The following USH2A variants were observed in gnomAD, a reference collection of about 807,000 sequenced individuals.
USH2A encodes usherin.
In USH2A, 443 loss-of-function variants were observed where a neutral mutation model predicts 538.9. The observed-to-expected ratio is 0.82, with a 90% confidence interval of 0.76 to 0.89. The LOEUF is 0.89. USH2A is among the 40% of genes least tolerant of loss of function. The pLI, the probability that USH2A is intolerant of heterozygous loss-of-function variation, is 0.00. For synonymous variants in USH2A, 2,413 were observed against 2,273.5 expected (o/e 1.06, Z -1.75); for missense variants, 6,633 against 6,324.8 (o/e 1.05, Z -1.65).
chr1:216,115,615 C>T (rs1259752966), intron 21 of USH2A, among the ~76,000 whole-genome samples: 1 of 152,068 alleles, frequency 6.6e-6, no homozygotes, highest in Non-Finnish European at 1.5e-5. Flanking sequence ...CTTCTATCAA[C>T]ATCCAATAGT....
intron 55 of USH2A, among the ~76,000 whole-genome samples, chr1:215,770,929 A>T (rs1012107820): frequency 3.5e-5 from 5 of 144,520 alleles, no homozygotes; most frequent in African/African-American, 1.3e-4. Flanking sequence ...ACATAGTGAA[A>T]CCCCGTCTCT....
chr1:216,046,210 A>G (rs2030513789), intron 32 of USH2A, among the ~76,000 whole-genome samples: 1 of 152,088 alleles, frequency 6.6e-6, no homozygotes, highest in Non-Finnish European at 1.5e-5. Context: ...ATTCCTTAGA[A>G]TACCTAATAC....
chr1:215,630,581 GGTGGC>G (rs1558029655), intron 70 of USH2A, among the ~76,000 whole-genome samples: 1 of 147,436 alleles, frequency 6.8e-6, no homozygotes, highest in Middle Eastern at 3.4e-3. Flanking sequence ...GGCCGGGTGC[GGTGGC>G]TCATGCCTGT....
intron 37 of USH2A, among the ~76,000 whole-genome samples, chr1:215,944,461 T>C (rs942979319): frequency 2.6e-5 from 4 of 152,280 alleles, no homozygotes; most frequent in Admixed American, 6.5e-5. Context: ...ACAAAGCACG[T>C]GGAAAGAATA....
intron 71 of USH2A, among the ~76,000 whole-genome samples, chr1:215,628,347 G>C (rs1656132939): frequency 6.6e-6 from 1 of 151,788 alleles, no homozygotes; most frequent in Admixed American, 6.6e-5. Context: ...CAGTGGCGCG[G>C]TCTCGGCTCA....
chr1:216,049,798 T>C (rs1047503362), intron 30 of USH2A, among the ~76,000 whole-genome samples: 1 of 152,108 alleles, frequency 6.6e-6, no homozygotes, highest in African/African-American at 2.4e-5. Context: ...CACTTGCCCT[T>C]AGTTCCTAGG....
intron 14 of USH2A, 23 bp downstream of exon 14, chr1:216,231,927 AATT>A (rs1558332424): frequency 6.2e-7 from 1 of 1,613,624 alleles, no homozygotes; most frequent in East Asian, 2.2e-5. Context: ...GAAAGAGTTA[AATT>A]ATTAAAGCTT....
intron 4 of USH2A, among the ~76,000 whole-genome samples, chr1:216,333,783 T>C (rs1010108314): frequency 2.0e-5 from 3 of 152,064 alleles, no homozygotes; most frequent in Non-Finnish European, 4.4e-5. Flanking sequence ...GAAGAAACCA[T>C]GGCGTCCAGA....
At chr1:215,785,344 G>A (rs1411914050) in intron 52 of USH2A, among the ~76,000 whole-genome samples, 1 of 152,182 alleles carries the variant, frequency 6.6e-6, no homozygotes, top group Admixed American at 6.6e-5. Flanking sequence ...TGCATTTGGA[G>A]CACTCTGAAA....
chr1:216,292,028 T>C lies in USH2A; in HGVS notation c.1840+147A>G, dbSNP rs2037010569. On this transcript the variant is annotated intron_variant, in intron 10 of 71. Transcript: ENST00000307340. The stretch of plus-strand genomic sequence containing the variant: ...ACCTAGTGATTTGGAAATAGGAAGA[T>C]TTGGTGAACTAGCTTTGATTTTCAA... The C allele has an allele frequency of 4.0e-5, 35 of 875,288 alleles. No homozygotes were observed. The South Asian group carries it at 4.4e-4, about 11-fold the overall frequency. 54.2% of individuals were successfully genotyped at this position (875,288 alleles called of 1,614,324 possible).
intron 3 of USH2A, among the ~76,000 whole-genome samples, chr1:216,417,433 T>C (rs954919468): frequency 1.3e-5 from 2 of 152,038 alleles, no homozygotes; most frequent in African/African-American, 4.8e-5. Context: ...ATGATTTGGC[T>C]CTGTGTCCCC....
At chr1:216,213,791 G>GA (rs1464636355) in intron 15 of USH2A, among the ~76,000 whole-genome samples, 1 of 151,652 alleles carries the variant, frequency 6.6e-6, no homozygotes. Context: ...TAAAAAAAAT[G>GA]AAAAACAAAT....
intron 11 of USH2A, among the ~76,000 whole-genome samples, chr1:216,268,186 A>G (rs1216523848): frequency 1.3e-5 from 2 of 151,934 alleles, no homozygotes; most frequent in Non-Finnish European, 2.9e-5. Flanking sequence ...TGTGCCTTAG[A>G]ATTTCACTTA....
Position 216,207,450 on chromosome 1 carries a change from A to C in USH2A, c.3158-19T>G, listed in dbSNP as rs747910976. On this transcript the variant is annotated intron_variant, in intron 15 of 71. Transcript: ENST00000307340. ...AATGGAGCTAAATTACAATGAAGAG[A>C]GCATTTATTAGCAAAGCAATCAATA... The C allele has an allele frequency of 6.2e-7, 1 of 1,613,826 alleles. No homozygotes were observed. The highest frequency in any genetic ancestry group is 1.1e-5 in the South Asian group (1 of 91,076).
intron 61 of USH2A, among the ~76,000 whole-genome samples, chr1:215,686,144 C>T (rs1016061151): frequency 2.6e-5 from 4 of 152,044 alleles, no homozygotes; most frequent in Non-Finnish European, 4.4e-5. Flanking sequence ...GCAAAAGACT[C>T]TATAAAATTG....
intron 14 of USH2A, among the ~76,000 whole-genome samples, chr1:216,224,063 T>C (rs1313329609): frequency 2.0e-5 from 3 of 152,176 alleles, no homozygotes; most frequent in Non-Finnish European, 4.4e-5. Context: ...AGCTAGTAAA[T>C]GGGACAAATA....
chr1:216,088,044 T>C (rs1286158827), intron 23 of USH2A, among the ~76,000 whole-genome samples: 1 of 152,100 alleles, frequency 6.6e-6, no homozygotes, highest in Non-Finnish European at 1.5e-5. Flanking sequence ...GTCATGTCAT[T>C]AGCTCTTTTA....
rs574882069 is a variant in USH2A at position 216,232,004 on chromosome 1, C to T, written c.2942G>A (p.Arg981His). ...GTAATGGTCTTTGCATTGGTCACAACGTTGCCCAGCAATGGAAGCATCTTG... is the reference window on the plus strand; with the variant it reads ...GTAATGGTCTTTGCATTGGTCACAATGTTGCCCAGCAATGGAAGCATCTTG... ...VCQDASIAGQ[R>H]CDQCKDHYFG... The change falls in exon 14 of 72, where the codon CGT (arginine) becomes CAT (histidine). Residue 981 changes from arginine (R) to histidine (H), a missense_variant. Coordinates refer to ENST00000307340, the MANE Select transcript of USH2A (RefSeq NM_206933.4). The T allele has an allele frequency of 1.4e-5, 22 of 1,614,054 alleles. No individual in the cohort carries two copies. Among genetic ancestry groups the T allele is most frequent in the African/African-American group, 9.3e-5 (7 of 75,048 alleles).
intron 67 of USH2A, among the ~76,000 whole-genome samples, chr1:215,643,042 C>T (rs1656738882): frequency 6.6e-6 from 1 of 152,172 alleles, no homozygotes; most frequent in Admixed American, 6.5e-5. Flanking sequence ...GTTGCCCAGG[C>T]TAGAGTGCAG....
Sources: gnomAD v4.1 joint callset for allele counts (sites outside exome capture counted in the v4.1 genomes callset) on GRCh38, gnomAD v4.1.1 for gene constraint, MANE v1.5 for transcripts, NCBI Gene and HGNC (gene_info 2026-07-23, HGNC 2026-07-21) for gene names.